PCDH15: variants seen among roughly 807,000 people sequenced by gnomAD.
PCDH15 encodes the protein protocadherin-15.
PCDH15 carries 129 observed loss-of-function variants against 178.5 expected under a neutral mutation model. The observed-to-expected ratio is 0.72, with a 90% CI of 0.63 to 0.84. PCDH15 has a LOEUF of 0.84. PCDH15 is among the 40% of genes least tolerant of loss of function. The pLI, the probability that PCDH15 is intolerant of heterozygous loss-of-function variation, is 0.00. For missense variants in PCDH15, 2,230 were observed against 2,099.9 expected, an observed-to-expected ratio of 1.06 and a Z score of -1.21; for synonymous variants, 800 against 732.0, an observed-to-expected ratio of 1.09 and a Z score of -1.50.
rs572930811 is a variant in PCDH15, at chr10:55,291,036, T to G, written c.-156+28563A>C. On this transcript the variant is annotated intron_variant, in intron 1 of 5. Transcript: ENST00000458638. ...TTTCATAAATTTCAAGGATAAAAAT[T>G]CTGGTGTTTATAATGACATTCTTAT... Among the ~76,000 whole-genome samples, 4 of 152,258 alleles carry G rather than the reference T, an allele frequency of 2.6e-5. No individual in the cohort carries two copies. In the East Asian group the frequency reaches 7.7e-4, roughly 29 times the overall value.
intron 3 of PCDH15, among the ~76,000 whole-genome samples, chr10:54,850,659 T>C (rs1953602810): frequency 6.6e-6 from 1 of 152,190 alleles, no homozygotes. Flanking sequence ...ATATTCATTA[T>C]GAATATAAAA....
intron 2 of PCDH15, among the ~76,000 whole-genome samples, chr10:55,148,749 C>G (rs1443139910): frequency 6.6e-6 from 1 of 151,242 alleles, no homozygotes; most frequent in Non-Finnish European, 1.5e-5. Flanking sequence ...TAAGATTTCA[C>G]TCTTTTTCCC....
intron 1 of PCDH15, among the ~76,000 whole-genome samples, chr10:54,792,097 C>T (rs1364551370): frequency 6.6e-6 from 1 of 151,830 alleles, no homozygotes; most frequent in Admixed American, 6.6e-5. Context: ...TATTCTGGCC[C>T]ATAATCTGGG....
At chr10:54,975,795 A>T (rs983004496) in intron 2 of PCDH15, among the ~76,000 whole-genome samples, 4 of 152,184 alleles carry the variant, frequency 2.6e-5, no homozygotes, top group Admixed American at 6.5e-5. Flanking sequence ...AGAATAGAAA[A>T]AAGGAAAGTG....
chr10:54,416,140 T>TAC lies in PCDH15; in HGVS notation c.158-37200_158-37199dup, dbSNP rs568788810. 5.9e-5 allele frequency among the ~76,000 whole-genome samples: 9 copies of TAC among 152,034 alleles called. No individual in the cohort carries two copies. The South Asian group carries it at 1.5e-3, about 25-fold the overall frequency. ...CACCATGCCAAGCTAAATATATATA[T>TAC]ACACATAAAATTTTTAAAATTTTTA... On this transcript the variant is annotated intron_variant, in intron 3 of 37. Coordinates refer to ENST00000644397, the MANE Select transcript of PCDH15 (RefSeq NM_001384140.1).
chr10:54,930,390 C>T (rs1462722276), intron 2 of PCDH15, among the ~76,000 whole-genome samples: 1 of 152,110 alleles, frequency 6.6e-6, no homozygotes, highest in Non-Finnish European at 1.5e-5. Context: ...GGAGACAGAG[C>T]TATTCTCTTC....
Position 54,578,215 on chromosome 10 carries a change from G to A in PCDH15, c.92-50338C>T, listed in dbSNP as rs546294548. Among the ~76,000 whole-genome samples the A allele has an allele frequency of 5.3e-5, 8 of 152,164 alleles. No individual in the cohort carries two copies. The South Asian group carries it at 6.2e-4, about 12-fold the overall frequency. ...GTTCTTTAAAAAAATCCTGCAGGAAGTTTTTGTGCCTTTCAAAGTTTGAGG... is the reference window on the plus strand; with the variant it reads ...GTTCTTTAAAAAAATCCTGCAGGAAATTTTTGTGCCTTTCAAAGTTTGAGG... On this transcript the variant is annotated intron_variant, in intron 2 of 37. Transcript: ENST00000644397.
chr10:54,799,291 C>A (rs941946633), intron 1 of PCDH15, among the ~76,000 whole-genome samples: 29 of 152,016 alleles, frequency 1.9e-4, no homozygotes, highest in Non-Finnish European at 3.8e-4. Flanking sequence ...ACAACACATA[C>A]CATGCAAAAT....
intron 3 of PCDH15, among the ~76,000 whole-genome samples, chr10:54,501,024 T>G (rs1212850800): frequency 6.6e-6 from 1 of 151,710 alleles, no homozygotes; most frequent in East Asian, 1.9e-4. Flanking sequence ...CACTCATAAG[T>G]GGGAGCTGAA....
intron 2 of PCDH15, among the ~76,000 whole-genome samples, chr10:55,350,287 A>G (rs1175103430): frequency 7.0e-6 from 1 of 142,600 alleles, no homozygotes; most frequent in Non-Finnish European, 1.5e-5. Context: ...ACACACACAC[A>G]TACATACACA....
chr10:54,677,670 C>T (rs117778641), intron 1 of PCDH15, among the ~76,000 whole-genome samples: 1,596 of 152,174 alleles, frequency 0.01, 26 homozygotes, highest in East Asian at 0.056. Context: ...CAGAAGTCTA[C>T]GTCTATTTTT....
At chr10:54,622,746 A>T (rs1276801465) in intron 2 of PCDH15, among the ~76,000 whole-genome samples, 3 of 40,096 alleles carry the variant, frequency 7.5e-5, no homozygotes, top group Non-Finnish European at 1.1e-4. Context: ...TATATATATT[A>T]TATATAATTA....
intron 2 of PCDH15, among the ~76,000 whole-genome samples, chr10:55,146,933 TG>T (rs1678117663): frequency 6.6e-6 from 1 of 150,962 alleles, no homozygotes; most frequent in East Asian, 1.9e-4. Flanking sequence ...TGTGGCGGGG[TG>T]GGGGGAAGAC....
At chr10:55,377,543 T>C (rs1300998101) in intron 2 of PCDH15, among the ~76,000 whole-genome samples, 2 of 152,032 alleles carry the variant, frequency 1.3e-5, no homozygotes, top group Non-Finnish European at 2.9e-5. Flanking sequence ...GTAAAATAGC[T>C]TGCTATATTT....
At chr10:55,102,853 C>G (rs1341898943) in intron 2 of PCDH15, among the ~76,000 whole-genome samples, 1 of 151,800 alleles carries the variant, frequency 6.6e-6, no homozygotes, top group Non-Finnish European at 1.5e-5. Context: ...ATTTTAAAAA[C>G]TAGAGAAAAA....
chr10:54,156,781 C>G (rs545257034), intron 13 of PCDH15, among the ~76,000 whole-genome samples: 2 of 152,304 alleles, frequency 1.3e-5, no homozygotes, highest in African/African-American at 4.8e-5. Context: ...AAATCAAAAG[C>G]AAGTTAGTTA....
intron 2 of PCDH15, among the ~76,000 whole-genome samples, chr10:54,945,247 T>A (rs977724840): frequency 1.3e-5 from 2 of 151,744 alleles, no homozygotes; most frequent in Admixed American, 6.6e-5. Flanking sequence ...ACAGAACATA[T>A]AATTATGCCA....
chr10:54,045,667 A>G (rs1333706463), intron 18 of PCDH15, among the ~76,000 whole-genome samples: 1 of 136,064 alleles, frequency 7.3e-6, no homozygotes, highest in Admixed American at 7.2e-5. Flanking sequence ...AGAAGAAAAC[A>G]AATTATACTC....
rs1839037619 is a variant in PCDH15 at position 55,160,553 on chromosome 10, CT to C, written c.-80+6022del. 2.0e-5 allele frequency among the ~76,000 whole-genome samples: 3 copies of C among 152,106 alleles called. No individual in the cohort carries two copies. In the South Asian group the frequency reaches 6.2e-4, roughly 32 times the overall value. The stretch of plus-strand genomic sequence containing the variant: ...TCAGGCATTTTAAATATGCACCATT[CT>C]TACCTAAGGGCAAATGGGCCCCTCT... On this transcript the variant is annotated intron_variant, in intron 2 of 5. Transcript: ENST00000458638.
Sources: gnomAD v4.1 joint callset for allele counts (sites outside exome capture counted in the v4.1 genomes callset) on GRCh38, gnomAD v4.1.1 for gene constraint, MANE v1.5 for transcripts, NCBI Gene and HGNC (gene_info 2026-07-23, HGNC 2026-07-21) for gene names.